DNAH5: variants seen among roughly 807,000 people sequenced by gnomAD.
The protein encoded by DNAH5 is dynein axonemal heavy chain 5.
In DNAH5, 372 loss-of-function variants were observed where a neutral mutation model predicts 518.2. That is an observed-to-expected ratio of 0.72 (90% confidence interval 0.66 to 0.78). The LOEUF is 0.78. Among genes scored for constraint, DNAH5 ranks in the 30% least tolerant of loss-of-function variants. The pLI is 0.00. For synonymous variants in DNAH5, 2,039 were observed against 2,025.9 expected (o/e 1.01, Z -0.17); for missense variants, 5,523 against 5,687.0 (o/e 0.97, Z 0.93).
In DNAH5 at chr5:13,830,045, A is replaced by C. The variant is rs141196027; in HGVS notation, c.6230T>G (p.Phe2077Cys). The change falls in exon 37 of 79, where the codon TTT becomes TGT. Residue 2077 changes from phenylalanine to cysteine, a missense_variant. This residue lies in a region of DNAH5 where 5,121 missense variants were observed against 5,223.3 expected (regional missense o/e 0.98). Coordinates refer to ENST00000265104, the MANE Select transcript of DNAH5 (RefSeq NM_001369.3). ...CCTTACCATGGTTAAGAAAAGCCCA[A>C]ATTCAGGGTTCATAGTCACATTATC... ...DGDNVTMNPE[F>C]GLFLTMNPGY... 6.2e-7 allele frequency: 1 copy of C among 1,613,994 alleles called. No individual in the cohort carries two copies. The highest frequency in any genetic ancestry group is 8.5e-7 in the Non-Finnish European group (1 of 1,180,012).
At chr5:13,955,728 AAATT>A (rs1168237703) in intron 1 of DNAH5, among the ~76,000 whole-genome samples, 1 of 152,236 alleles carries the variant, frequency 6.6e-6, no homozygotes, top group African/African-American at 2.4e-5. Context: ...AAAAAAAAGA[AAATT>A]AATAAAATGG....
At chr5:13,913,121 A>C (rs1262023490) in intron 11 of DNAH5, among the ~76,000 whole-genome samples, 1 of 152,052 alleles carries the variant, frequency 6.6e-6, no homozygotes, top group African/African-American at 2.4e-5. Context: ...AAAAAGAAAA[A>C]AATTGACTAT....
chr5:13,708,230 G>C lies in DNAH5; in HGVS notation c.13231C>G (p.Leu4411Val), dbSNP rs941923241. The C allele has an allele frequency of 6.2e-7, 1 of 1,614,156 alleles. No individual in the cohort carries two copies. The highest frequency in any genetic ancestry group is 1.7e-5 in the Admixed American group (1 of 60,020). Residue 4411 changes from leucine (L) to valine (V), a missense_variant, in exon 76 of 79, where the codon CTC becomes GTC. By Grantham distance (32) the Leu-to-Val change is conservative (BLOSUM62 1). Around this residue, in one of 3 missense-constraint regions of DNAH5, gnomAD observed 387 missense variants for 430.0 expected, o/e 0.90. Coordinates refer to ENST00000265104, the MANE Select transcript of DNAH5 (RefSeq NM_001369.3). ...QRVLSLVRST[L>V]TELKLAIDGT... ...TCAATAGCAAGTTTCAGCTCAGTGA[G>C]GGTGCTGCGGACAAGGCTGAGTACC...
In DNAH5 at chr5:13,864,559, C is replaced by T. The variant is rs764614084; in HGVS notation, c.4434G>A (p.Glu1478=). Residue 1478 remains glutamate, a synonymous_variant, in exon 28 of 79, where the codon GAG becomes GAA. Coordinates refer to ENST00000265104, the MANE Select transcript of DNAH5 (RefSeq NM_001369.3). ...DLKKIIDDFS[E]CCPLLEYMAS... ...CCATGTATTCCAGCAGCGGGCAACA[C>T]TCGCTGAAATCATCAATGATCTTCT... 3 of 1,614,038 alleles carry T rather than the reference C, an allele frequency of 1.9e-6. No homozygotes were observed. In the East Asian group the frequency reaches 6.7e-5, roughly 36 times the overall value.
chr5:13,869,003 G>A (rs1038772379), intron 24 of DNAH5, among the ~76,000 whole-genome samples: 4 of 152,096 alleles, frequency 2.6e-5, no homozygotes, highest in African/African-American at 9.7e-5. Context: ...TTAATTCCTA[G>A]GTGGGAGAAA....
At position 13,899,838 on chromosome 5, in the gene DNAH5, G is replaced by A. The variant is rs2151960420; in HGVS notation, c.2259+368C>T. 8.6e-6 allele frequency: 2 copies of A among 232,680 alleles called. 1 individual carries two copies. Among genetic ancestry groups the A allele is most frequent in the East Asian group, 2.3e-4 (2 of 8,716 alleles). 14.4% of individuals were successfully genotyped at this position (232,680 alleles called of 1,614,324 possible). ...AGTTCAAGCTCTCATCTTCATCCTG[G>A]GCCAGTGCAACACTTCACAAACAGG... On this transcript the variant is annotated intron_variant, in intron 15 of 78. Coordinates refer to ENST00000265104, the MANE Select transcript of DNAH5 (RefSeq NM_001369.3).
chr5:13,908,770 G>C (rs948238590), intron 12 of DNAH5, among the ~76,000 whole-genome samples: 3 of 152,182 alleles, frequency 2.0e-5, no homozygotes, highest in African/African-American at 4.8e-5. Context: ...TAAATCTGGA[G>C]AGGATTCCAG....
At chr5:13,845,257 G>T (rs1032805101) in intron 31 of DNAH5, among the ~76,000 whole-genome samples, 1 of 151,894 alleles carries the variant, frequency 6.6e-6, no homozygotes, top group East Asian at 1.9e-4. Flanking sequence ...TACACATTTT[G>T]CACAGTCTGG....
chr5:13,796,732 C>T (rs1028808468), intron 47 of DNAH5, among the ~76,000 whole-genome samples: 1 of 152,090 alleles, frequency 6.6e-6, no homozygotes, highest in Non-Finnish European at 1.5e-5. Context: ...AAAAAGAGCC[C>T]ACATTGCCAA....
intron 64 of DNAH5, 23 bp downstream of exon 64, chr5:13,752,111 T>C (rs1322903352): frequency 6.2e-7 from 1 of 1,613,150 alleles, no homozygotes; most frequent in Non-Finnish European, 8.5e-7. Context: ...TTCTGCACAT[T>C]GTCATCCATA....
At position 13,700,843 on chromosome 5, in the gene DNAH5, G is replaced by A. The variant is rs1579806844; in HGVS notation, c.13520C>T (p.Ala4507Val). The change falls in exon 78 of 79, where the codon GCT (alanine) becomes GTT (valine). Residue 4507 changes from alanine (A) to valine (V), a missense_variant. By Grantham distance (64) the Ala-to-Val change is moderately conservative. Transcript: ENST00000265104. ...QEITRANKGW[A>V]LDNMVLCNEV... Reference sequence around the variant, plus strand: ...ATTGCAAAGCACCATATTGTCCAGAGCCCAGCCTTTGTTGGCCCGAGTTAT... The same window carrying A: ...ATTGCAAAGCACCATATTGTCCAGAACCCAGCCTTTGTTGGCCCGAGTTAT... 6.2e-7 allele frequency: 1 copy of A among 1,614,096 alleles called. No individual in the cohort carries two copies. Among genetic ancestry groups the A allele is most frequent in the Non-Finnish European group, 8.5e-7 (1 of 1,179,996 alleles).
intron 52 of DNAH5, among the ~76,000 whole-genome samples, chr5:13,781,723 A>G (rs1379471605): frequency 6.6e-6 from 1 of 152,090 alleles, no homozygotes; most frequent in Non-Finnish European, 1.5e-5. Flanking sequence ...ATGTGGAACT[A>G]TAAGTCCAAT....
At chr5:13,777,169 G>C in intron 54 of DNAH5, 33 bp downstream of exon 54, 6 of 1,602,246 alleles carry the variant, frequency 3.7e-6, no homozygotes, top group Non-Finnish European at 5.1e-6. Flanking sequence ...AATCTGAAGG[G>C]ATAAAACACA....
intron 12 of DNAH5, among the ~76,000 whole-genome samples, chr5:13,909,850 T>C (rs953225834): frequency 6.6e-6 from 1 of 152,222 alleles, no homozygotes; most frequent in East Asian, 1.9e-4. Flanking sequence ...ACCTACAGCA[T>C]AGAAGTCTAA....
Position 13,766,175 on chromosome 5 carries a change from A to G in DNAH5, c.9902T>C (p.Ile3301Thr), listed in dbSNP as rs1334663692. ...LEEAEAALQT[I>T]RPSDIATVRT... Reference sequence around the variant, plus strand: ...AACAGTGGCGATGTCCGAAGGCCTGATGGTCTGGGGGATGAAAGGAACGAT... The same window carrying G: ...AACAGTGGCGATGTCCGAAGGCCTGGTGGTCTGGGGGATGAAAGGAACGAT... Residue 3301 changes from isoleucine to threonine, a missense_variant, in exon 59 of 79, where the codon ATC becomes ACC. Transcript: ENST00000265104. 1 of 1,614,196 alleles carries G rather than the reference A, an allele frequency of 6.2e-7. No homozygotes were observed. Among genetic ancestry groups the G allele is most frequent in the Admixed American group, 1.7e-5 (1 of 60,028 alleles).
chr5:13,901,227 G>A, intron 14 of DNAH5, 25 bp downstream of exon 14: 1 of 1,607,790 alleles, frequency 6.2e-7, no homozygotes, highest in Non-Finnish European at 8.5e-7. Flanking sequence ...CCAACAATGG[G>A]AAGAGTATAA....
At chr5:13,915,115 A>G (rs1228777635) in intron 9 of DNAH5, among the ~76,000 whole-genome samples, 2 of 152,126 alleles carry the variant, frequency 1.3e-5, no homozygotes, top group African/African-American at 2.4e-5. Context: ...AACCACTAAC[A>G]TTTTATTCAT....
At chr5:13,767,376 C>T (rs1173812889) in intron 58 of DNAH5, among the ~76,000 whole-genome samples, 1 of 152,170 alleles carries the variant, frequency 6.6e-6, no homozygotes, top group Non-Finnish European at 1.5e-5. Flanking sequence ...CTGCCCACCT[C>T]GGCCTCCCAA....
intron 17 of DNAH5, among the ~76,000 whole-genome samples, chr5:13,886,561 G>T (rs1772464886): frequency 6.6e-6 from 1 of 152,116 alleles, no homozygotes; most frequent in Admixed American, 6.5e-5. Context: ...CTCAAGAATG[G>T]ATTTAATAAA....
Sources: gnomAD v4.1 joint callset for allele counts (sites outside exome capture counted in the v4.1 genomes callset) on GRCh38, gnomAD v4.1.1 for gene constraint, gnomAD v4.1.1 regional missense constraint, MANE v1.5 for transcripts, NCBI Gene and HGNC (gene_info 2026-07-23, HGNC 2026-07-21) for gene names.